DOT1L: variants seen among roughly 807,000 people sequenced by gnomAD.
DOT1L encodes DOT1 like histone lysine methyltransferase, also known as histone-lysine N-methyltransferase, H3 lysine-79 specific.
Under a neutral mutation model 153.3 loss-of-function variants are expected in DOT1L, and 33 were observed. That is an observed-to-expected ratio of 0.22 (90% confidence interval 0.16 to 0.29). DOT1L has a LOEUF of 0.29. Among genes scored for constraint, DOT1L ranks in the 10% least tolerant of loss-of-function variants. DOT1L has a pLI of 1.00. For missense variants in DOT1L, 1,847 were observed against 2,119.9 expected, an observed-to-expected ratio of 0.87 and a Z score of 2.53; for synonymous variants, 1,135 against 965.1, an observed-to-expected ratio of 1.18 and a Z score of -3.26.
intron 16 of DOT1L, 138 bp downstream of exon 16, chr19:2,211,980 A>G: frequency 5.5e-6 from 4 of 732,354 alleles, no homozygotes; most frequent in Non-Finnish European, 8.6e-6. Flanking sequence ...CTGCTGCGAG[A>G]AACAAACCTA....
Position 2,191,019 on chromosome 19 carries a change from G to A in DOT1L, c.272G>A (p.Gly91Asp), listed in dbSNP as rs2144741626. ...AIDSIHQLWK[G>D]TTQPMKLNTR... ...GCCACCCTCCGTCCGCAGTGGAAGGGCACCACGCAGCCCATGAAGCTGAAC... is the reference window on the plus strand; with the variant it reads ...GCCACCCTCCGTCCGCAGTGGAAGGACACCACGCAGCCCATGAAGCTGAAC... The change falls in exon 5 of 28, where the codon GGC becomes GAC. Residue 91 changes from glycine (G) to aspartate (D), a missense_variant. Around this residue, in one of 8 missense-constraint regions of DOT1L, gnomAD observed 148 missense variants for 422.3 expected, o/e 0.35. Transcript: ENST00000398665. The surrounding 1 kb of genome is among the most constrained non-coding windows in gnomAD (Gnocchi z 6.8). 1 of 1,599,860 alleles carries A rather than the reference G, an allele frequency of 6.3e-7. No homozygotes were observed. The highest frequency in any genetic ancestry group is 8.5e-7 in the Non-Finnish European group (1 of 1,175,766).
In DOT1L at chr19:2,199,959, T is replaced by G; in HGVS notation, c.707+20T>G. On this transcript the variant is annotated intron_variant, in intron 8 of 27. Coordinates refer to ENST00000398665, the MANE Select transcript of DOT1L (RefSeq NM_032482.3). ...CACGAGGTATGGCCAGCGTGGGGCA[T>G]GCAGGGCATGTGGGGTGTGCGCTCA... The G allele has an allele frequency of 6.2e-7, 1 of 1,613,344 alleles. No individual in the cohort carries two copies. The highest frequency in any genetic ancestry group is 1.1e-5 in the South Asian group (1 of 91,042).
chr19:2,206,286 G>A (rs1313092354), intron 9 of DOT1L, among the ~76,000 whole-genome samples: 1 of 152,072 alleles, frequency 6.6e-6, no homozygotes, highest in Non-Finnish European at 1.5e-5. Context: ...GCACCGCGCC[G>A]AGAATGTTTT....
At chr19:2,175,868 G>A (rs930391759) in intron 1 of DOT1L, among the ~76,000 whole-genome samples, 5 of 152,076 alleles carry the variant, frequency 3.3e-5, no homozygotes, top group South Asian at 2.1e-4. Flanking sequence ...GCAAAACTCC[G>A]TCTCAAAAAA....
At chr19:2,165,316 C>T (rs1157038976) in intron 1 of DOT1L, among the ~76,000 whole-genome samples, 2 of 152,108 alleles carry the variant, frequency 1.3e-5, no homozygotes, top group African/African-American at 2.4e-5. Context: ...TTTTTGGAAA[C>T]GTGCTCGCTG....
rs1446108437 is a variant in DOT1L at position 2,220,047 on chromosome 19, C to G, written c.2692-61C>G. ...AGGCCTCAACACTCACTGTTTCCAG[C>G]TGGGTTCTGGGTCTCCTGGGGCACC... On this transcript the variant is annotated intron_variant, in intron 22 of 27. Coordinates refer to ENST00000398665, the MANE Select transcript of DOT1L (RefSeq NM_032482.3). The surrounding 1 kb of genome is among the most constrained non-coding windows in gnomAD (Gnocchi z 4.5). 2.0e-6 allele frequency: 3 copies of G among 1,475,240 alleles called. No individual in the cohort carries two copies. Among genetic ancestry groups the G allele is most frequent in the East Asian group, 4.6e-5 (2 of 43,724 alleles). The allele number at this position is 1,475,240 out of a possible 1,614,324, so 91.4% of individuals were successfully genotyped here. A position where few individuals can be genotyped will look rare whatever the true frequency, so the allele number is the denominator to read the frequency against.
intron 1 of DOT1L, among the ~76,000 whole-genome samples, chr19:2,175,000 ATATATT>A (rs1457464037): frequency 4.7e-4 from 45 of 96,450 alleles, no homozygotes; most frequent in African/African-American, 2.0e-3. Flanking sequence ...GTGTGTATAT[ATATATT>A]TTTTTTTTTT....
At position 2,190,505 on chromosome 19, in the gene DOT1L, C is replaced by T. The variant is rs549302984; in HGVS notation, c.265-507C>T. On this transcript the variant is annotated intron_variant, in intron 4 of 27. Transcript: ENST00000398665. The surrounding 1 kb of genome is among the most constrained non-coding windows in gnomAD (Gnocchi z 4.8). Reference sequence around the variant, plus strand: ...TCCCCTCAACCTCATGCATGCAGCTCTGTGGGCCCCTGAGAGCTGAGCTGG... The same window carrying T: ...TCCCCTCAACCTCATGCATGCAGCTTTGTGGGCCCCTGAGAGCTGAGCTGG... 6.6e-6 allele frequency among the ~76,000 whole-genome samples: 1 copy of T among 152,244 alleles called. No individual in the cohort carries two copies. Among genetic ancestry groups the T allele is most frequent in the East Asian group, 1.9e-4 (1 of 5,170 alleles).
chr19:2,207,542 G>C lies in DOT1L; in HGVS notation c.857-32G>C. The C allele has an allele frequency of 1.9e-6, 3 of 1,585,124 alleles. No homozygotes were observed. The highest frequency in any genetic ancestry group is 2.6e-6 in the Non-Finnish European group (3 of 1,166,370). On this transcript the variant is annotated intron_variant, in intron 10 of 27. Transcript: ENST00000398665. The surrounding 1 kb of genome is among the most constrained non-coding windows in gnomAD (Gnocchi z 4.5). ...CTGCATGGAGGGGCTGTGGGCAGGC[G>C]CAGGCCCCGGCCTCACCTGTGGCTC...
rs561242057 is a variant in DOT1L at position 2,232,233 on chromosome 19, C to G, written c.*2441C>G. The G allele has an allele frequency of 1.0e-4, 23 of 219,440 alleles. No homozygotes were observed. Among genetic ancestry groups the G allele is most frequent in the African/African-American group, 4.9e-4 (22 of 44,472 alleles). 13.6% of individuals were successfully genotyped at this position (219,440 alleles called of 1,614,324 possible). A position where few individuals can be genotyped will look rare whatever the true frequency, so the allele number is the denominator to read the frequency against. The stretch of plus-strand genomic sequence containing the variant: ...ATAGGAACCCTAAAAACTAGGATAC[C>G]CCCTCCTCGGCCCATGAGGCACGCA... On this transcript the variant is annotated 3_prime_UTR_variant, in exon 28 of 28. Transcript: ENST00000398665.
chr19:2,232,172 G>A lies in DOT1L; in HGVS notation c.*2380G>A, dbSNP rs765104375. ...CTGCTGCTGCTGACTGTGGGTGGGC[G>A]GGCGGCGCCTGGGAGTGGCTCTTGC... On this transcript the variant is annotated 3_prime_UTR_variant, in exon 28 of 28. Coordinates refer to ENST00000398665, the MANE Select transcript of DOT1L (RefSeq NM_032482.3). 4.5e-5 allele frequency: 10 copies of A among 224,474 alleles called. No individual in the cohort carries two copies. Among genetic ancestry groups the A allele is most frequent in the South Asian group, 1.8e-4 (1 of 5,530 alleles). The allele number at this position is 224,474 out of a possible 1,614,324, so 13.9% of individuals were successfully genotyped here.
chr19:2,175,418 A>G (rs2021877250), intron 1 of DOT1L, among the ~76,000 whole-genome samples: 1 of 152,220 alleles, frequency 6.6e-6, no homozygotes, highest in South Asian at 2.1e-4. Flanking sequence ...CTCCTGCCTC[A>G]GCCTCCTAAG....
intron 16 of DOT1L, chr19:2,212,048 T>C: frequency 1.8e-6 from 1 of 560,824 alleles, no homozygotes; most frequent in Non-Finnish European, 3.1e-6. Context: ...AATGAGACTT[T>C]TAATCATGGT....
In DOT1L at chr19:2,217,810, C is replaced by T. The variant is rs1053977897; in HGVS notation, c.2583C>T (p.Leu861=). The T allele has an allele frequency of 6.2e-7, 1 of 1,606,784 alleles. No individual in the cohort carries two copies. The highest frequency in any genetic ancestry group is 8.5e-7 in the Non-Finnish European group (1 of 1,177,546). Residue 861 remains leucine, a synonymous_variant, in exon 22 of 28, where the codon CTC becomes CTT. Coordinates refer to ENST00000398665, the MANE Select transcript of DOT1L (RefSeq NM_032482.3). This position sits in a 1 kb window ranked among gnomAD's most constrained non-coding sequence, Gnocchi z 7.3. ...RERAYGSSGE[L]ITSLPISIPL... is the part of the protein sequence containing the mutation. ...GCGCCTACGGCAGCAGCGGGGAGCT[C>T]ATCACCAGCCTGCCCATCAGCATCC... is the stretch of plus-strand genomic sequence containing the variant.
At chr19:2,194,684 C>T (rs2022944527) in intron 7 of DOT1L, 107 bp downstream of exon 7, 4 of 1,271,714 alleles carry the variant, frequency 3.1e-6, no homozygotes, top group Non-Finnish European at 4.4e-6. Flanking sequence ...GCTGTTGGCA[C>T]ATGGTGTGCC....
Position 2,220,050 on chromosome 19 carries a change from G to C in DOT1L, c.2692-58G>C. ...CCTCAACACTCACTGTTTCCAGCTG[G>C]GTTCTGGGTCTCCTGGGGCACCTGC... On this transcript the variant is annotated intron_variant, in intron 22 of 27. Coordinates refer to ENST00000398665, the MANE Select transcript of DOT1L (RefSeq NM_032482.3). The surrounding 1 kb of genome is among the most constrained non-coding windows in gnomAD (Gnocchi z 4.5). 2 of 1,488,852 alleles carry C rather than the reference G, an allele frequency of 1.3e-6. No individual in the cohort carries two copies. Among genetic ancestry groups the C allele is most frequent in the Non-Finnish European group, 1.8e-6 (2 of 1,091,686 alleles). 92.2% of individuals were successfully genotyped at this position (1,488,852 alleles called of 1,614,324 possible). A position where few individuals can be genotyped will look rare whatever the true frequency, so the allele number is the denominator to read the frequency against.
rs779540613 is a variant in DOT1L, at chr19:2,223,360, A to C, written c.3470A>C (p.Tyr1157Ser). The C allele has an allele frequency of 6.2e-7, 1 of 1,613,634 alleles. No homozygotes were observed. Among genetic ancestry groups the C allele is most frequent in the East Asian group, 2.2e-5 (1 of 44,878 alleles). ...TCCCTGAAGAGCTCCCCTGTGCCCT[A>C]CCAGGACCACGACCAGCCCCCCGTG... ...ETSLKSSPVPYQDHDQPPVLK... is the reference protein window; with the variant it reads ...ETSLKSSPVPSQDHDQPPVLK... Residue 1157 changes from tyrosine (Y) to serine (S), a missense_variant, in exon 25 of 28, where the codon TAC (tyrosine) becomes TCC (serine). Tyr to Ser is a moderately radical substitution (Grantham distance 144, BLOSUM62 -2). Transcript: ENST00000398665.
intron 1 of DOT1L, among the ~76,000 whole-genome samples, chr19:2,175,175 T>G (rs1270841495): frequency 1.3e-5 from 2 of 152,104 alleles, no homozygotes; most frequent in Admixed American, 6.6e-5. Flanking sequence ...ATTTTTTATA[T>G]TTTTAGTAGA....
At chr19:2,227,269 A>G in intron 27 of DOT1L, 142 bp downstream of exon 27, 1 of 1,063,328 alleles carries the variant, frequency 9.4e-7, no homozygotes, top group Non-Finnish European at 1.5e-6. Context: ...CCATCCGTGC[A>G]CGGTGGCGAA....
Sources: gnomAD v4.1 joint callset for allele counts (sites outside exome capture counted in the v4.1 genomes callset) on GRCh38, gnomAD v4.1.1 for gene constraint, gnomAD v4.1.1 regional missense constraint, Gnocchi (gnomAD v3.1) non-coding constraint, MANE v1.5 for transcripts, NCBI Gene and HGNC (gene_info 2026-07-23, HGNC 2026-07-21) for gene names.